Variants in ANK3 observed in about 807,000 individuals in gnomAD.
ANK3 encodes the protein ankyrin-3.
Under a neutral mutation model 370.9 loss-of-function variants are expected in ANK3, and 57 were observed. That is an observed-to-expected ratio of 0.15 (90% confidence interval 0.12 to 0.19). The LOEUF is 0.19. Ranked by LOEUF, ANK3 falls within the 10% of genes least tolerant of loss-of-function variation. The pLI is 1.00. For synonymous variants in ANK3, 1,929 were observed against 1,946.3 expected (o/e 0.99, Z 0.23); for missense variants, 4,439 against 5,302.1 (o/e 0.84, Z 5.06).
At chr10:60,367,899 C>T (rs975193200) in intron 1 of ANK3, among the ~76,000 whole-genome samples, 6 of 152,052 alleles carry the variant, frequency 3.9e-5, no homozygotes, top group Admixed American at 1.3e-4. Context: ...ATGTTTCAGT[C>T]CTGGGTGTTT....
intron 2 of ANK3, among the ~76,000 whole-genome samples, chr10:60,592,298 C>T (rs1381999640): frequency 6.6e-6 from 1 of 151,920 alleles, no homozygotes; most frequent in Non-Finnish European, 1.5e-5. Flanking sequence ...TTGTTTGCAA[C>T]CAAGAACAAT....
chr10:60,036,602 G>C (rs1467111191), intron 43 of ANK3, among the ~76,000 whole-genome samples: 1 of 151,504 alleles, frequency 6.6e-6, no homozygotes, highest in African/African-American at 2.4e-5. Flanking sequence ...CACCTGGCTA[G>C]TCTTTTTGTA....
intron 5 of ANK3, among the ~76,000 whole-genome samples, chr10:60,267,187 C>G (rs893196179): frequency 1.3e-5 from 2 of 152,088 alleles, no homozygotes; most frequent in African/African-American, 4.8e-5. Context: ...TTTAAAGGAT[C>G]CTTTAATTGC....
At chr10:60,361,155 G>A (rs1034139290) in intron 1 of ANK3, among the ~76,000 whole-genome samples, 6 of 152,142 alleles carry the variant, frequency 3.9e-5, no homozygotes, top group Non-Finnish European at 7.4e-5. Context: ...TCTTTCTTCT[G>A]GGGTTTTCTT....
rs748470501 is a variant in ANK3 at position 60,298,599 on chromosome 10, T to C, written c.115-18960A>G. On this transcript the variant is annotated intron_variant, in intron 1 of 43. Transcript: ENST00000280772. ...TACGGCATGATAATTTCAAATTCAG[T>C]CTGTCATTTTATTACACGTTTTTTC... is the stretch of plus-strand genomic sequence containing the variant. Among the ~76,000 whole-genome samples, 11 of 152,180 alleles carry C rather than the reference T, an allele frequency of 7.2e-5. 1 individual carries two copies. Among genetic ancestry groups the C allele is most frequent in the Non-Finnish European group, 1.0e-4 (7 of 68,014 alleles).
chr10:60,690,913 A>T (rs1181207233), intron 1 of ANK3, among the ~76,000 whole-genome samples: 2 of 152,204 alleles, frequency 1.3e-5, no homozygotes, highest in Non-Finnish European at 2.9e-5. Context: ...ATTTTATTTA[A>T]ATATCATACT....
chr10:60,385,936 T>C (rs2132852718), intron 1 of ANK3, among the ~76,000 whole-genome samples: 1 of 152,204 alleles, frequency 6.6e-6, no homozygotes, highest in Admixed American at 6.5e-5. Context: ...TTATAGTGTA[T>C]GTGGGGAGAG....
intron 40 of ANK3, 62 bp downstream of exon 40, chr10:60,063,049 T>A: frequency 2.0e-6 from 3 of 1,516,202 alleles, no homozygotes; most frequent in South Asian, 1.3e-5. Flanking sequence ...GACTGCCTTG[T>A]CTGACTGCAC....
intron 8 of ANK3, 40 bp from the exon 9 acceptor site, chr10:60,213,550 T>C: frequency 7.1e-7 from 1 of 1,418,108 alleles, no homozygotes; most frequent in Non-Finnish European, 9.8e-7. Flanking sequence ...AATTTGACAA[T>C]AAATTCTATG....
At chr10:60,489,263 A>C (rs2075429468) in intron 2 of ANK3, among the ~76,000 whole-genome samples, 1 of 152,214 alleles carries the variant, frequency 6.6e-6, no homozygotes, top group South Asian at 2.1e-4. Flanking sequence ...ACCAACCCTG[A>C]AAGTAGAGGG....
chr10:60,422,437 C>T (rs1316208202), intron 2 of ANK3, among the ~76,000 whole-genome samples: 1 of 152,078 alleles, frequency 6.6e-6, no homozygotes, highest in African/African-American at 2.4e-5. Context: ...CTCTTGCTAT[C>T]CAAGTTCATT....
At chr10:60,273,613 A>G (rs2132684497) in intron 4 of ANK3, among the ~76,000 whole-genome samples, 1 of 152,198 alleles carries the variant, frequency 6.6e-6, no homozygotes, top group East Asian at 1.9e-4. Context: ...GTCTGATACT[A>G]TTTCTTTAAT....
chr10:60,301,367 TACAC>T (rs141317635), intron 1 of ANK3, among the ~76,000 whole-genome samples: 6 of 144,266 alleles, frequency 4.2e-5, no homozygotes, highest in East Asian at 2.0e-4. Flanking sequence ...CACGCACAGA[TACAC>T]ACACACACAC....
chr10:60,069,606 T>C lies in ANK3; in HGVS notation c.11275A>G (p.Thr3759Ala). Reference protein sequence around the residue: ...MTSCQGLENETITMISNTANS... With the variant: ...MTSCQGLENEAITMISNTANS... ...GCTGTATTTGAAATCATTGTTATAG[T>C]TTCATTTTCTAATCCCTGACAACTG... Residue 3759 changes from threonine to alanine, a missense_variant, in exon 37 of 44, where the codon ACT (threonine) becomes GCT (alanine). Thr to Ala is a moderately conservative substitution (Grantham distance 58). Transcript: ENST00000280772. The C allele has an allele frequency of 6.2e-7, 1 of 1,614,104 alleles. No individual in the cohort carries two copies. Among genetic ancestry groups the C allele is most frequent in the East Asian group, 2.2e-5 (1 of 44,880 alleles).
chr10:60,088,484 G>T, intron 28 of ANK3, 126 bp from the exon 29 acceptor site: 1 of 828,496 alleles, frequency 1.2e-6, no homozygotes. Flanking sequence ...GAAGTGCAAT[G>T]GCGTGATCTT....
intron 1 of ANK3, among the ~76,000 whole-genome samples, chr10:60,370,745 G>T (rs1009278890): frequency 6.6e-6 from 1 of 152,064 alleles, no homozygotes; most frequent in Non-Finnish European, 1.5e-5. Context: ...TATTCTCCAG[G>T]TTTCTAATTC....
At chr10:60,731,446 C>A (rs1392140311) in intron 1 of ANK3, among the ~76,000 whole-genome samples, 2 of 152,108 alleles carry the variant, frequency 1.3e-5, no homozygotes, top group Admixed American at 1.3e-4. Flanking sequence ...TTATTTATGT[C>A]TTAACAAAAA....
intron 2 of ANK3, among the ~76,000 whole-genome samples, chr10:60,584,505 C>T (rs2077803091): frequency 6.6e-6 from 1 of 152,080 alleles, no homozygotes; most frequent in South Asian, 2.1e-4. Context: ...GTAGTCCCAG[C>T]TACTCAGAAG....
At chr10:60,081,762 T>G (rs763537934) in intron 35 of ANK3, 11 of 279,748 alleles carry the variant, frequency 3.9e-5, no homozygotes, top group Non-Finnish European at 6.3e-5. Context: ...AGGTAGTGCG[T>G]TATCTCAGTT....
Sources: gnomAD v4.1 joint callset for allele counts (sites outside exome capture counted in the v4.1 genomes callset) on GRCh38, gnomAD v4.1.1 for gene constraint, MANE v1.5 for transcripts, NCBI Gene and HGNC (gene_info 2026-07-23, HGNC 2026-07-21) for gene names.